ITK: variants seen among roughly 807,000 people sequenced by gnomAD.
ITK encodes the protein tyrosine-protein kinase ITK/TSK.
Under a neutral mutation model 87.6 loss-of-function variants are expected in ITK, and 45 were observed. That is an observed-to-expected ratio of 0.51 (90% CI 0.40 to 0.66). ITK has a LOEUF of 0.66. Among genes scored for constraint, ITK ranks in the 30% least tolerant of loss-of-function variants. The probability of loss-of-function intolerance (pLI) is 0.00; values close to 1 mark genes in which losing one functional copy is unlikely to be tolerated. For synonymous variants in ITK, 303 were observed against 273.6 expected, an observed-to-expected ratio of 1.11 and a Z score of -1.06; for missense variants, 605 against 766.3, an observed-to-expected ratio of 0.79 and a Z score of 2.48.
At chr5:157,199,877 C>G (rs896259114) in intron 1 of ITK, 2 of 152,108 alleles carry the variant, frequency 1.3e-5, no homozygotes, top group Admixed American at 1.3e-4. Context: ...AAAATATTAA[C>G]ATAAAAAGCC....
chr5:157,214,096 A>T, intron 3 of ITK, 95 bp from the exon 4 acceptor site: 1 of 977,126 alleles, frequency 1.0e-6, no homozygotes, highest in Non-Finnish European at 1.7e-6. Flanking sequence ...ATTCAGGCTC[A>T]CTCAGCCAGG....
chr5:157,247,918 G>A lies in ITK; in HGVS notation c.1634-932G>A, dbSNP rs565201865. Among the ~76,000 whole-genome samples the A allele has an allele frequency of 2.0e-5, 3 of 152,226 alleles. No homozygotes were observed. The East Asian group carries it at 5.8e-4, about 29-fold the overall frequency. On this transcript the variant is annotated intron_variant, in intron 15 of 16. Transcript: ENST00000422843. The stretch of plus-strand genomic sequence containing the variant: ...ATTCTGAAACCATGTTTCAGCATCG[G>A]CACATTTTCAAAAAAATTTTCACTA...
chr5:157,220,350 C>A (rs999347604), intron 5 of ITK, among the ~76,000 whole-genome samples: 2 of 152,216 alleles, frequency 1.3e-5, no homozygotes, highest in Non-Finnish European at 2.9e-5. Context: ...CTCTTGGCCC[C>A]CTGCATCCAT....
At chr5:157,211,139 TA>T (rs1454419810) in intron 2 of ITK, 147 bp from the exon 3 acceptor site, 11 of 703,074 alleles carry the variant, frequency 1.6e-5, no homozygotes, top group Non-Finnish European at 2.6e-5. Flanking sequence ...AACACCTGGA[TA>T]AAAAGGATAC....
chr5:157,192,484 G>A (rs1415728607), intron 1 of ITK, among the ~76,000 whole-genome samples: 1 of 152,228 alleles, frequency 6.6e-6, no homozygotes, highest in Non-Finnish European at 1.5e-5. Flanking sequence ...CGGATGAGGT[G>A]AGCAAGGAAC....
Position 157,231,503 on chromosome 5 carries a change from G to A in ITK, c.714-837G>A, listed in dbSNP as rs557165697. ...TCTTATAATGTTCAAAACCTCTAAC[G>A]AATCCATGAATTCCTTTAGTCATGG... is the stretch of plus-strand genomic sequence containing the variant. On this transcript the variant is annotated intron_variant, in intron 7 of 16. Coordinates refer to ENST00000422843, the MANE Select transcript of ITK (RefSeq NM_005546.4). Among the ~76,000 whole-genome samples the A allele has an allele frequency of 4.5e-4, 69 of 152,218 alleles. 1 individual carries two copies. Among genetic ancestry groups the A allele is most frequent in the African/African-American group, 1.5e-3 (63 of 41,532 alleles).
In ITK at chr5:157,232,358, C is replaced by G; in HGVS notation, c.732C>G (p.Ile244Met). Residue 244 changes from isoleucine (I) to methionine (M), a missense_variant, in exon 8 of 17, where the codon ATC (isoleucine) becomes ATG (methionine). Around this residue, in one of 3 missense-constraint regions of ITK, gnomAD observed 464 missense variants for 578.0 expected, o/e 0.80. Transcript: ENST00000422843. ...CTTTCAGGTGGTACAATAAGAGTAT[C>G]AGCCGAGACAAAGCTGAAAAACTTC... Reference protein sequence around the residue: ...LETYEWYNKSISRDKAEKLLL... With the variant: ...LETYEWYNKSMSRDKAEKLLL... The G allele has an allele frequency of 6.2e-7, 1 of 1,611,170 alleles. No individual in the cohort carries two copies. Among genetic ancestry groups the G allele is most frequent in the African/African-American group, 1.3e-5 (1 of 74,982 alleles).
In ITK at chr5:157,227,335, A is replaced by G. The variant is rs147787743; in HGVS notation, c.648-961A>G. Among the ~76,000 whole-genome samples, 429 of 152,298 alleles carry G rather than the reference A, an allele frequency of 2.8e-3. 1 individual carries two copies. The highest frequency in any genetic ancestry group is 9.7e-3 in the African/African-American group (402 of 41,570). On this transcript the variant is annotated intron_variant, in intron 6 of 16. Coordinates refer to ENST00000422843, the MANE Select transcript of ITK (RefSeq NM_005546.4). ...TTATACACAAATGTAAAGAAGTTTGATATTCTTATTTTGTTTATTATGTTT... is the reference window on the plus strand; with the variant it reads ...TTATACACAAATGTAAAGAAGTTTGGTATTCTTATTTTGTTTATTATGTTT...
At chr5:157,223,432 A>G (rs1436196958) in intron 6 of ITK, among the ~76,000 whole-genome samples, 1 of 152,216 alleles carries the variant, frequency 6.6e-6, no homozygotes, top group Non-Finnish European at 1.5e-5. Flanking sequence ...TAGAGATGGT[A>G]CAGATTGATA....
chr5:157,189,429 T>A (rs1753708085), intron 1 of ITK, among the ~76,000 whole-genome samples: 1 of 152,044 alleles, frequency 6.6e-6, no homozygotes, highest in Non-Finnish European at 1.5e-5. Context: ...CCTGTAATCC[T>A]CGCACTTTGG....
chr5:157,191,115 G>GTT (rs1276782978), intron 1 of ITK, among the ~76,000 whole-genome samples: 1 of 146,460 alleles, frequency 6.8e-6, no homozygotes, highest in Admixed American at 6.7e-5. Flanking sequence ...GTTGTCTTAT[G>GTT]TTTTTTTATT....
chr5:157,231,314 T>C (rs1355641372), intron 7 of ITK, among the ~76,000 whole-genome samples: 2 of 152,232 alleles, frequency 1.3e-5, no homozygotes, highest in African/African-American at 2.4e-5. Flanking sequence ...CACCCTTTGA[T>C]AGTGAAGCTA....
chr5:157,200,882 T>A (rs1398295205), intron 1 of ITK, among the ~76,000 whole-genome samples: 2 of 152,036 alleles, frequency 1.3e-5, no homozygotes, highest in African/African-American at 4.8e-5. Flanking sequence ...GGCATAGGGG[T>A]CTACTGAGCA....
chr5:157,249,050 T>C, intron 16 of ITK, 43 bp downstream of exon 16: 2 of 1,561,676 alleles, frequency 1.3e-6, no homozygotes, highest in Non-Finnish European at 1.8e-6. Context: ...CGTATACAAT[T>C]TGAGGACCTC....
chr5:157,190,808 G>A (rs1252104143), intron 1 of ITK, among the ~76,000 whole-genome samples: 6 of 152,250 alleles, frequency 3.9e-5, no homozygotes, highest in African/African-American at 1.4e-4. Flanking sequence ...GCTTGCGTGA[G>A]GAACAGAGAT....
intron 1 of ITK, among the ~76,000 whole-genome samples, chr5:157,186,254 C>T (rs1265539622): frequency 6.6e-6 from 1 of 152,106 alleles, no homozygotes; most frequent in African/African-American, 2.4e-5. Context: ...ATTGGTACCC[C>T]CTGCCAAATG....
chr5:157,186,682 AAGAGAGAGAG>A (rs61141972), intron 1 of ITK, among the ~76,000 whole-genome samples: 4 of 148,656 alleles, frequency 2.7e-5, no homozygotes, highest in South Asian at 2.2e-4. Context: ...GTCTCAAAAA[AAGAGAGAGAG>A]AGAGAGAGAG....
Position 157,194,246 on chromosome 5 carries a change from C to T in ITK, c.138+13131C>T, listed in dbSNP as rs572532214. ...GTTTCTCGCTGCGAGTTTGTGAATT[C>T]GCCAGTCTTTGGTGACTTTGCAGAG... is the stretch of plus-strand genomic sequence containing the variant. On this transcript the variant is annotated intron_variant, in intron 1 of 16. Transcript: ENST00000422843. 3.3e-5 allele frequency among the ~76,000 whole-genome samples: 5 copies of T among 152,238 alleles called. No individual in the cohort carries two copies. In the East Asian group the frequency reaches 5.8e-4, roughly 18 times the overall value.
chr5:157,195,646 A>G (rs1753837234), intron 1 of ITK: 1 of 152,224 alleles, frequency 6.6e-6, no homozygotes, highest in Non-Finnish European at 1.5e-5. Flanking sequence ...AGTTCTTCCA[A>G]TAATACTTTA....
Sources: allele counts gnomAD v4.1 joint callset (sites outside exome capture counted in the v4.1 genomes callset), GRCh38; gene constraint gnomAD v4.1.1; regional missense constraint gnomAD v4.1.1; transcripts MANE v1.5; gene names NCBI Gene and HGNC (gene_info 2026-07-23, HGNC 2026-07-21).